CLPB: variants seen among roughly 807,000 people sequenced by gnomAD.
The protein encoded by CLPB is mitochondrial disaggregase.
A neutral mutation model predicts 78.4 loss-of-function variants in CLPB; 40 were observed. That is an observed-to-expected ratio of 0.51 (90% CI 0.40 to 0.66). The LOEUF is 0.66. Among genes scored for constraint, CLPB ranks in the 30% least tolerant of loss-of-function variants. The pLI is 0.00. For missense variants in CLPB, 780 were observed against 886.9 expected, an observed-to-expected ratio of 0.88 and a Z score of 1.53; for synonymous variants, 333 against 348.0, an observed-to-expected ratio of 0.96 and a Z score of 0.48.
intron 3 of CLPB, among the ~76,000 whole-genome samples, chr11:72,393,807 T>C (rs1318445035): frequency 6.6e-6 from 1 of 152,270 alleles, no homozygotes. Flanking sequence ...TGGTTTTTAA[T>C]TGTTGACCCA....
rs751731867 is a variant in CLPB, at chr11:72,293,519, T to C, written c.1882A>G (p.Lys628Glu). The change falls in exon 16 of 16, where the codon AAG (lysine) becomes GAG (glutamate). Residue 628 changes from lysine to glutamate, a missense_variant. Lys to Glu is a moderately conservative substitution (Grantham distance 56, BLOSUM62 1). This residue lies in a region of CLPB where 272 missense variants were observed against 304.0 expected (regional missense o/e 0.89). Coordinates refer to ENST00000538039, the MANE Select transcript of CLPB (RefSeq NM_001258392.3). The stretch of plus-strand genomic sequence containing the variant: ...AGTTCTGGGCTTTTGAGTAGCTGCT[T>C]GTCTGAGTCCTCCACCGTGATGCGC... ...TLRITVEDSD[K>E]QLLKSPELPS... The C allele has an allele frequency of 9.9e-6, 16 of 1,614,086 alleles. No homozygotes were observed. Among genetic ancestry groups the C allele is most frequent in the Non-Finnish European group, 1.4e-5 (16 of 1,180,002 alleles).
At chr11:72,331,263 G>A (rs1229039608) in intron 5 of CLPB, among the ~76,000 whole-genome samples, 1 of 151,880 alleles carries the variant, frequency 6.6e-6, no homozygotes, top group Non-Finnish European at 1.5e-5. Context: ...CATTAGCCGG[G>A]CGTGGTGGTA....
intron 3 of CLPB, among the ~76,000 whole-genome samples, chr11:72,391,289 T>C (rs554598001): frequency 6.6e-6 from 1 of 152,342 alleles, no homozygotes; most frequent in East Asian, 1.9e-4. Flanking sequence ...CAGGGCTCCT[T>C]GGTGACACCA....
At chr11:72,434,022 A>G in intron 1 of CLPB, 50 bp downstream of exon 1, 1 of 1,583,200 alleles carries the variant, frequency 6.3e-7, no homozygotes, top group Non-Finnish European at 8.6e-7. Context: ...ATACGAAGTT[A>G]GGACAATCTT....
intron 4 of CLPB, among the ~76,000 whole-genome samples, chr11:72,369,851 C>G (rs74236665): frequency 0.017 from 2,573 of 152,206 alleles, 38 homozygotes; most frequent in East Asian, 0.067. Context: ...GAATAATGAA[C>G]TGCGTGCGTC....
rs1176095344 is a variant in CLPB at position 72,294,287 on chromosome 11, G to A, written c.1680+38C>T. 5 of 1,614,076 alleles carry A rather than the reference G, an allele frequency of 3.1e-6. No homozygotes were observed. In the East Asian group the frequency reaches 1.1e-4, roughly 36 times the overall value. ...CCAGTGTTCCAGATTTCCAGTGGCT[G>A]GCTATCCCGCCCCCACCCATGGGCA... is the stretch of plus-strand genomic sequence containing the variant. On this transcript the variant is annotated intron_variant, in intron 14 of 15. Transcript: ENST00000538039.
At position 72,307,253 on chromosome 11, in the gene CLPB, T is replaced by G. The variant is rs1276720255; in HGVS notation, c.1068A>C (p.Gly356=). Residue 356 remains glycine (G), a splice_region_variant and synonymous_variant, in exon 9 of 16, where the codon GGA becomes GGC. Coordinates refer to ENST00000538039, the MANE Select transcript of CLPB (RefSeq NM_001258392.3). The part of the protein sequence containing the change: ...VFLFLGSSGI[G]KTELAKQTAK... ...CTGTCTGCTTGGCCAGCTCTGTTTT[T>G]CCTAGTAAGAAAGAAGGGGGAGGTG... is the stretch of plus-strand genomic sequence containing the variant. 1 of 1,614,066 alleles carries G rather than the reference T, an allele frequency of 6.2e-7. No homozygotes were observed. Among genetic ancestry groups the G allele is most frequent in the Admixed American group, 1.7e-5 (1 of 60,020 alleles).
chr11:72,434,296 G>T lies in CLPB; in HGVS notation c.179C>A (p.Pro60Gln), dbSNP rs750405478. ...VATGGRPGTS[P>Q]ALFSGRGAAT... is the part of the protein sequence containing the mutation. ...TGCCCCACGTCCGGAGAACAAGGCC[G>T]GCGATGTTCCAGGGCGCCCCCCGGT... The change falls in exon 1 of 16, where the codon CCG (proline) becomes CAG (glutamine). Residue 60 changes from proline to glutamine, a missense_variant. Around this residue, in one of 3 missense-constraint regions of CLPB, gnomAD observed 417 missense variants for 414.7 expected, o/e 1.01. Transcript: ENST00000538039. 2 of 1,611,656 alleles carry T rather than the reference G, an allele frequency of 1.2e-6. No individual in the cohort carries two copies. The highest frequency in any genetic ancestry group is 1.3e-5 in the African/African-American group (1 of 74,614).
chr11:72,394,797 G>C (rs1855357682), intron 3 of CLPB, among the ~76,000 whole-genome samples: 1 of 152,190 alleles, frequency 6.6e-6, no homozygotes, highest in Non-Finnish European at 1.5e-5. Flanking sequence ...CGGTGCTGCG[G>C]TGCTGGCATT....
At chr11:72,346,988 TAAA>T (rs60688188) in intron 5 of CLPB, among the ~76,000 whole-genome samples, 1 of 60,178 alleles carries the variant, frequency 1.7e-5, no homozygotes, top group Non-Finnish European at 3.8e-5. Flanking sequence ...TCTCAAAAAT[TAAA>T]AAAAAAAAAA....
At chr11:72,383,801 T>G (rs1296625960) in intron 3 of CLPB, among the ~76,000 whole-genome samples, 1 of 152,218 alleles carries the variant, frequency 6.6e-6, no homozygotes, top group African/African-American at 2.4e-5. Flanking sequence ...AGGGAGTTTA[T>G]CACCACCAGA....
intron 1 of CLPB, among the ~76,000 whole-genome samples, chr11:72,433,803 A>T (rs1194881283): frequency 6.6e-6 from 1 of 152,068 alleles, no homozygotes; most frequent in Non-Finnish European, 1.5e-5. Context: ...ATGCTATAAT[A>T]TTAGATGTTT....
rs568326310 is a variant in CLPB at position 72,332,382 on chromosome 11, G to A, written c.776-2578C>T. Among the ~76,000 whole-genome samples, 7 of 151,880 alleles carry A rather than the reference G, an allele frequency of 4.6e-5. No homozygotes were observed. The East Asian group carries it at 9.7e-4, about 21-fold the overall frequency. ...CACATGCCCGTAATCCCAGCTACTCGGAAGGCTGAAGCACAAGAATTGCAT... is the reference window on the plus strand; with the variant it reads ...CACATGCCCGTAATCCCAGCTACTCAGAAGGCTGAAGCACAAGAATTGCAT... On this transcript the variant is annotated intron_variant, in intron 5 of 15. Transcript: ENST00000538039.
chr11:72,416,346 G>A (rs914612389), intron 2 of CLPB, among the ~76,000 whole-genome samples: 3 of 152,094 alleles, frequency 2.0e-5, no homozygotes, highest in Non-Finnish European at 4.4e-5. Context: ...TTACCAGACC[G>A]CAAGTTCCTT....
At chr11:72,308,407 A>G in intron 8 of CLPB, 120 bp downstream of exon 8, 1 of 779,276 alleles carries the variant, frequency 1.3e-6, no homozygotes, top group Non-Finnish European at 2.2e-6. Flanking sequence ...TTGCTTTTAG[A>G]GCTCAAGTTG....
chr11:72,410,215 A>G (rs964830418), intron 2 of CLPB, among the ~76,000 whole-genome samples: 3 of 152,098 alleles, frequency 2.0e-5, no homozygotes, highest in African/African-American at 7.2e-5. Flanking sequence ...AGGCAACAAG[A>G]GCAGAACTCC....
chr11:72,430,809 T>C lies in CLPB; in HGVS notation c.404-446A>G, dbSNP rs556723660. ...CAAGTCATAAACCCAAAAGGAAAGG[T>C]AGAATGGAGAGGAGCAAGCAGGGTG... On this transcript the variant is annotated intron_variant, in intron 1 of 15. Coordinates refer to ENST00000538039, the MANE Select transcript of CLPB (RefSeq NM_001258392.3). 2.6e-5 allele frequency among the ~76,000 whole-genome samples: 4 copies of C among 152,228 alleles called. No individual in the cohort carries two copies. The South Asian group carries it at 6.2e-4, about 24-fold the overall frequency.
At chr11:72,324,322 C>T (rs930681239) in intron 6 of CLPB, among the ~76,000 whole-genome samples, 1 of 152,116 alleles carries the variant, frequency 6.6e-6, no homozygotes, top group Non-Finnish European at 1.5e-5. Flanking sequence ...AATCCCAGCA[C>T]TTTGGGAGGC....
At chr11:72,341,809 G>C (rs757814567) in intron 5 of CLPB, among the ~76,000 whole-genome samples, 11 of 152,240 alleles carry the variant, frequency 7.2e-5, no homozygotes, top group Non-Finnish European at 1.2e-4. Context: ...GTGACTGCAT[G>C]CTGGGTTAAA....
Sources: allele counts gnomAD v4.1 joint callset (sites outside exome capture counted in the v4.1 genomes callset), GRCh38; gene constraint gnomAD v4.1.1; regional missense constraint gnomAD v4.1.1; transcripts MANE v1.5; gene names NCBI Gene and HGNC (gene_info 2026-07-23, HGNC 2026-07-21).